Variants in PIK3C2G observed in about 807,000 individuals in gnomAD.
PIK3C2G encodes phosphatidylinositol 3-kinase C2 domain-containing subunit gamma.
A neutral mutation model predicts 181.1 loss-of-function variants in PIK3C2G; 168 were observed. That is an observed-to-expected ratio of 0.93 (90% CI 0.82 to 1.05). PIK3C2G has a LOEUF of 1.05. Among genes scored for constraint, PIK3C2G ranks in the 50% least tolerant of loss-of-function variants. PIK3C2G has a pLI of 0.00. For missense variants in PIK3C2G, 1,869 were observed against 1,732.8 expected (o/e 1.08, Z -1.40); for synonymous variants, 573 against 592.2 (o/e 0.97, Z 0.47).
At chr12:18,440,135 G>A (rs1946661551) in intron 18 of PIK3C2G, among the ~76,000 whole-genome samples, 1 of 152,004 alleles carries the variant, frequency 6.6e-6, no homozygotes, top group Non-Finnish European at 1.5e-5. Context: ...GAAGGTTATA[G>A]TAAGAACTAA....
chr12:18,620,092 A>G (rs1948782996), intron 31 of PIK3C2G, among the ~76,000 whole-genome samples: 1 of 152,116 alleles, frequency 6.6e-6, no homozygotes, highest in Non-Finnish European at 1.5e-5. Context: ...TAAATATCCC[A>G]TGTCCAATTG....
rs527416552 is a variant in PIK3C2G at position 18,500,481 on chromosome 12, G to A, written c.3016+2733G>A. ...GCCTCCCCTACGAGCGCGGCCCCCT[G>A]CTCCACGGCGCCCAGTCCCATCGAC... On this transcript the variant is annotated intron_variant, in intron 22 of 32. Transcript: ENST00000538779. Among the ~76,000 whole-genome samples, 29 of 152,310 alleles carry A rather than the reference G, an allele frequency of 1.9e-4. 1 individual carries two copies. The highest frequency in any genetic ancestry group is 3.2e-4 in the Non-Finnish European group (22 of 68,012).
chr12:18,702,841 G>GACGGAGTCTCACTCT, the PIK3C2G span, among the ~76,000 whole-genome samples: 2 of 76,566 alleles, frequency 2.6e-5, no homozygotes, highest in Non-Finnish European at 4.4e-5. Flanking sequence ...TTTTTTTTGA[G>GACGGAGTCTCACTCT]ACGGAGTCTC....
Position 18,274,817 on chromosome 12 carries a change from AG to A in PIK3C2G, c.-78-7186del, listed in dbSNP as rs1948912238. Among the ~76,000 whole-genome samples the A allele has an allele frequency of 4.6e-5, 7 of 152,292 alleles. No individual in the cohort carries two copies. The South Asian group carries it at 1.4e-3, about 32-fold the overall frequency. On this transcript the variant is annotated intron_variant, in intron 1 of 32. Coordinates refer to ENST00000538779, the MANE Select transcript of PIK3C2G (RefSeq NM_001288772.2). ...TTAAAGTATAATAATAATAAAAAAA[AG>A]CCTACATTATTTTCATGTCCTCCAC...
chr12:18,292,227 A>AAAAAAAAAAAAAAAAAATATATAT, intron 4 of PIK3C2G, among the ~76,000 whole-genome samples: 3 of 48,750 alleles, frequency 6.2e-5, no homozygotes, highest in Non-Finnish European at 1.0e-4. Context: ...AAAAAAAAAA[A>AAAAAAAAAAAAAAAAAATATATAT]ATATATATAT....
chr12:18,453,797 A>G (rs571663602), intron 18 of PIK3C2G, among the ~76,000 whole-genome samples: 24 of 152,306 alleles, frequency 1.6e-4, no homozygotes, highest in African/African-American at 5.5e-4. Context: ...ACACAGCTCA[A>G]TTAGCTTTTA....
Position 18,427,979 on chromosome 12 carries a change from G to T in PIK3C2G, c.2504+3940G>T, listed in dbSNP as rs553225061. On this transcript the variant is annotated intron_variant, in intron 18 of 32. Transcript: ENST00000538779. ...GTCACACGTGTAGGTTTGTTACATAGGTAAACATGTGTCATGGGGATTTAT... is the reference window on the plus strand; with the variant it reads ...GTCACACGTGTAGGTTTGTTACATATGTAAACATGTGTCATGGGGATTTAT... Among the ~76,000 whole-genome samples the T allele has an allele frequency of 2.6e-5, 4 of 152,088 alleles. No homozygotes were observed. The East Asian group carries it at 7.7e-4, about 29-fold the overall frequency.
intron 31 of PIK3C2G, among the ~76,000 whole-genome samples, chr12:18,611,511 A>C (rs1203529925): frequency 6.6e-6 from 1 of 152,050 alleles, no homozygotes; most frequent in Non-Finnish European, 1.5e-5. Context: ...CCAAATCTAC[A>C]ATTCCAGCTT....
At chr12:18,383,615 A>T (rs1430280675) in intron 14 of PIK3C2G, among the ~76,000 whole-genome samples, 1 of 152,210 alleles carries the variant, frequency 6.6e-6, no homozygotes, top group African/African-American at 2.4e-5. Context: ...CAAGTTAGTT[A>T]AGATTAAAGA....
At chr12:18,694,302 A>C in the PIK3C2G span, among the ~76,000 whole-genome samples, 1 of 152,132 alleles carries the variant, frequency 6.6e-6, no homozygotes, top group Non-Finnish European at 1.5e-5. Flanking sequence ...TTCCCAATAA[A>C]GCGCGCTCTT....
chr12:18,257,466 C>A (rs1461357581), upstream of PIK3C2G, among the ~76,000 whole-genome samples: 2 of 152,042 alleles, frequency 1.3e-5, no homozygotes, highest in East Asian at 3.9e-4. Context: ...GGGACTATTG[C>A]AGATGAACAA....
At chr12:18,313,719 T>C (rs1950735776) in intron 5 of PIK3C2G, among the ~76,000 whole-genome samples, 1 of 152,010 alleles carries the variant, frequency 6.6e-6, no homozygotes, top group Non-Finnish European at 1.5e-5. Context: ...ACATAAAAAT[T>C]TCACATTTCA....
intron 14 of PIK3C2G, among the ~76,000 whole-genome samples, chr12:18,386,715 A>T (rs183988576): frequency 6.6e-6 from 1 of 152,140 alleles, no homozygotes; most frequent in African/African-American, 2.4e-5. Flanking sequence ...TTATTAATTT[A>T]TCCGTCAATG....
chr12:18,404,240 T>C (rs1944401748), intron 16 of PIK3C2G, among the ~76,000 whole-genome samples: 1 of 152,178 alleles, frequency 6.6e-6, no homozygotes, highest in Non-Finnish European at 1.5e-5. Context: ...GAATGGAATA[T>C]GGCATAGGGA....
intron 16 of PIK3C2G, among the ~76,000 whole-genome samples, chr12:18,403,256 A>C (rs1338284838): frequency 6.6e-6 from 1 of 152,200 alleles, no homozygotes; most frequent in Non-Finnish European, 1.5e-5. Flanking sequence ...GGTGTTTATT[A>C]AACTTCATTC....
chr12:18,568,745 C>T (rs1326094682), intron 29 of PIK3C2G, among the ~76,000 whole-genome samples: 1 of 152,160 alleles, frequency 6.6e-6, no homozygotes, highest in Non-Finnish European at 1.5e-5. Flanking sequence ...GGCACTGTGA[C>T]CCAGCCAAGT....
chr12:18,660,798 A>T, the PIK3C2G span, among the ~76,000 whole-genome samples: 1 of 152,278 alleles, frequency 6.6e-6, no homozygotes, highest in Admixed American at 6.5e-5. Flanking sequence ...TGTCTCATTC[A>T]AAGGAAAAAA....
intron 14 of PIK3C2G, among the ~76,000 whole-genome samples, chr12:18,383,616 A>T (rs896465314): frequency 6.6e-6 from 1 of 152,214 alleles, no homozygotes; most frequent in African/African-American, 2.4e-5. Context: ...AAGTTAGTTA[A>T]GATTAAAGAA....
At chr12:18,611,291 A>G (rs1487021106) in intron 31 of PIK3C2G, among the ~76,000 whole-genome samples, 1 of 152,022 alleles carries the variant, frequency 6.6e-6, no homozygotes, top group Non-Finnish European at 1.5e-5. Context: ...GGCCATGAGA[A>G]CCTCTATAAT....
Sources: allele counts gnomAD v4.1 joint callset (sites outside exome capture counted in the v4.1 genomes callset), GRCh38; gene constraint gnomAD v4.1.1; transcripts MANE v1.5; gene names NCBI Gene and HGNC (gene_info 2026-07-23, HGNC 2026-07-21).